The following EGFR variants were observed in gnomAD, a reference collection of about 807,000 sequenced individuals.
EGFR encodes the protein epidermal growth factor receptor, also known as avian erythroblastic leukemia viral (v-erb-b) oncogene homolog.
Under a neutral mutation model 143.0 loss-of-function variants are expected in EGFR, and 58 were observed. The ratio of observed to expected loss-of-function variants is 0.41; its 90% confidence interval spans 0.33 to 0.50. The LOEUF (loss-of-function observed/expected upper bound fraction) is 0.50. Ranked by LOEUF, EGFR falls within the 20% of genes least tolerant of loss-of-function variation. EGFR has a pLI of 0.39. For synonymous variants in EGFR, 613 were observed against 594.4 expected (o/e 1.03, Z -0.45); for missense variants, 1,307 against 1,579.0 (o/e 0.83, Z 2.92).
chr7:55,154,735 A>G (rs571145016), intron 7 of EGFR, among the ~76,000 whole-genome samples: 22 of 152,334 alleles, frequency 1.4e-4, no homozygotes, highest in Middle Eastern at 6.8e-3. Context: ...GTTTAGGGAA[A>G]TTGTGACATA....
chr7:55,155,349 G>A (rs1785360337), intron 7 of EGFR, among the ~76,000 whole-genome samples: 1 of 152,212 alleles, frequency 6.6e-6, no homozygotes, highest in South Asian at 2.1e-4. Flanking sequence ...GGCTGAGGCA[G>A]GAGAATTGCT....
chr7:55,066,779 G>A (rs1789531674), intron 1 of EGFR, among the ~76,000 whole-genome samples: 1 of 152,180 alleles, frequency 6.6e-6, no homozygotes, highest in South Asian at 2.1e-4. Flanking sequence ...CCTGAGGTCA[G>A]CTGCCTAGCT....
At chr7:55,170,423 CA>C in intron 15 of EGFR, 1 of 1,614,140 alleles carries the variant, frequency 6.2e-7, no homozygotes, top group South Asian at 1.1e-5. Context: ...GCTCAGGAGT[CA>C]TGCTTAGGAT....
chr7:55,086,113 T>A (rs919498645), intron 1 of EGFR, among the ~76,000 whole-genome samples: 1 of 152,224 alleles, frequency 6.6e-6, no homozygotes, highest in African/African-American at 2.4e-5. Context: ...GTGAATTATC[T>A]CGTGTCTACA....
intron 20 of EGFR, among the ~76,000 whole-genome samples, chr7:55,189,758 T>C (rs1787305365): frequency 6.6e-6 from 1 of 151,934 alleles, no homozygotes; most frequent in African/African-American, 2.4e-5. Context: ...AAGGTACAAA[T>C]GTGAAGAACG....
chr7:55,196,447 A>G (rs1787623105), intron 22 of EGFR, among the ~76,000 whole-genome samples: 1 of 152,058 alleles, frequency 6.6e-6, no homozygotes, highest in Non-Finnish European at 1.5e-5. Context: ...GTAGCTTGCA[A>G]AAATGTTCAC....
chr7:55,120,898 C>G (rs1414630708), intron 1 of EGFR, among the ~76,000 whole-genome samples: 3 of 152,176 alleles, frequency 2.0e-5, no homozygotes, highest in African/African-American at 7.2e-5. Flanking sequence ...CGGTTAGAAA[C>G]TGGCCAGGTG....
chr7:55,060,009 T>C (rs546763186), intron 1 of EGFR, among the ~76,000 whole-genome samples: 14 of 152,346 alleles, frequency 9.2e-5, no homozygotes, highest in African/African-American at 2.9e-4. Context: ...GGACTGGGCC[T>C]CTGCTGGCAG....
intron 1 of EGFR, among the ~76,000 whole-genome samples, chr7:55,139,269 A>G (rs909692541): frequency 2.0e-5 from 3 of 152,228 alleles, no homozygotes; most frequent in African/African-American, 7.2e-5. Context: ...CTTATCTTAA[A>G]TTAATTAAAA....
Position 55,202,610 on chromosome 7 carries a change from T to A in EGFR, c.3256T>A (p.Phe1086Ile), listed in dbSNP as rs1032201502. ...ALTEDSIDDT[F>I]LPVPEYINQS... ...GACTGAGGACAGCATAGACGACACCTTCCTCCCAGTGCCTGGTGAGTGGCT... is the reference window on the plus strand; with the variant it reads ...GACTGAGGACAGCATAGACGACACCATCCTCCCAGTGCCTGGTGAGTGGCT... Residue 1086 changes from phenylalanine (F) to isoleucine (I), a missense_variant, in exon 27 of 28, where the codon TTC becomes ATC. By Grantham distance (21) the Phe-to-Ile change is conservative. Around this residue, in one of 7 missense-constraint regions of EGFR, gnomAD observed 313 missense variants for 312.3 expected, o/e 1.00. Coordinates refer to ENST00000275493, the MANE Select transcript of EGFR (RefSeq NM_005228.5). 1 of 1,612,780 alleles carries A rather than the reference T, an allele frequency of 6.2e-7. No homozygotes were observed. Among genetic ancestry groups the A allele is most frequent in the African/African-American group, 1.3e-5 (1 of 74,840 alleles).
intron 20 of EGFR, among the ~76,000 whole-genome samples, chr7:55,186,960 CA>C: frequency 6.6e-6 from 1 of 152,304 alleles, no homozygotes; most frequent in South Asian, 2.1e-4. Flanking sequence ...CCTCACCCTC[CA>C]GAGCCGTGAG....
intron 22 of EGFR, among the ~76,000 whole-genome samples, chr7:55,198,496 T>G (rs1244135975): frequency 6.6e-6 from 1 of 152,244 alleles, no homozygotes; most frequent in Non-Finnish European, 1.5e-5. Context: ...TGTATTATCT[T>G]GTTGGGTCCT....
chr7:55,106,433 T>C (rs916658265), intron 1 of EGFR, among the ~76,000 whole-genome samples: 2 of 152,242 alleles, frequency 1.3e-5, no homozygotes, highest in Non-Finnish European at 2.9e-5. Flanking sequence ...TCTGTGGCAA[T>C]ATGCCTTCAT....
chr7:55,191,576 G>C (rs1787394941), intron 20 of EGFR, 143 bp from the exon 21 acceptor site: 1 of 1,015,222 alleles, frequency 9.9e-7, no homozygotes, highest in South Asian at 1.4e-5. Context: ...CCATTCTTTG[G>C]ATCAGTAGTC....
intron 1 of EGFR, among the ~76,000 whole-genome samples, chr7:55,128,666 G>A (rs1793668839): frequency 1.3e-5 from 2 of 152,074 alleles, no homozygotes; most frequent in African/African-American, 4.8e-5. Context: ...CCATGTTTTT[G>A]GAAAATATCA....
At chr7:55,081,332 G>A (rs1452212993) in intron 1 of EGFR, among the ~76,000 whole-genome samples, 1 of 152,194 alleles carries the variant, frequency 6.6e-6, no homozygotes, top group Non-Finnish European at 1.5e-5. Context: ...GACGGTTGGA[G>A]GGGGCTGTGC....
At chr7:55,152,250 A>G (rs1014491585) in intron 5 of EGFR, 1 of 557,462 alleles carries the variant, frequency 1.8e-6, no homozygotes, top group Non-Finnish European at 3.4e-6. Context: ...ACTTCCCAGC[A>G]GGTATTTTTG....
intron 4 of EGFR, among the ~76,000 whole-genome samples, chr7:55,149,487 G>A (rs1794925825): frequency 1.3e-5 from 2 of 152,122 alleles, no homozygotes; most frequent in African/African-American, 2.4e-5. Flanking sequence ...ACCTTCCTTT[G>A]CAAAGTATTT....
rs117466750 is a variant in EGFR at position 55,108,632 on chromosome 7, A to G, written c.89-33654A>G. The stretch of plus-strand genomic sequence containing the variant: ...AGAACTGGCGTGAGTTAGTCATGAC[A>G]GGAGAGATGGGGAAGGGAGTTGCAG... On this transcript the variant is annotated intron_variant, in intron 1 of 27. Transcript: ENST00000275493. Among the ~76,000 whole-genome samples the G allele has an allele frequency of 2.2e-4, 34 of 152,334 alleles. No homozygotes were observed. The East Asian group carries it at 6.0e-3, about 27-fold the overall frequency.
Sources: gnomAD v4.1 joint callset for allele counts (sites outside exome capture counted in the v4.1 genomes callset) on GRCh38, gnomAD v4.1.1 for gene constraint, gnomAD v4.1.1 regional missense constraint, MANE v1.5 for transcripts, NCBI Gene and HGNC (gene_info 2026-07-23, HGNC 2026-07-21) for gene names.